Variants in RUNDC3B observed in about 807,000 individuals in gnomAD.
RUNDC3B encodes the protein RUN domain-containing protein 3B.
RUNDC3B carries 33 observed loss-of-function variants against 58.4 expected under a neutral mutation model. The observed-to-expected ratio is 0.56, with a 90% CI of 0.43 to 0.75. RUNDC3B has a LOEUF of 0.75. RUNDC3B is among the 30% of genes least tolerant of loss of function. RUNDC3B has a pLI of 0.00. For synonymous variants in RUNDC3B, 193 were observed against 195.2 expected (o/e 0.99, Z 0.10); for missense variants, 501 against 535.7 (o/e 0.94, Z 0.64).
intron 2 of RUNDC3B, among the ~76,000 whole-genome samples, chr7:87,671,930 G>T (rs1177319343): frequency 6.6e-6 from 1 of 152,140 alleles, no homozygotes; most frequent in African/African-American, 2.4e-5. Flanking sequence ...GAGTGCTGGA[G>T]GCCCTGGTTG....
At chr7:87,688,636 T>C (rs1021647551) in intron 2 of RUNDC3B, among the ~76,000 whole-genome samples, 1 of 151,964 alleles carries the variant, frequency 6.6e-6, no homozygotes, top group Admixed American at 6.6e-5. Context: ...TGGTAGTTTG[T>C]TATTTTGTAC....
intron 1 of RUNDC3B, among the ~76,000 whole-genome samples, chr7:87,635,271 A>G (rs964462592): frequency 6.6e-6 from 1 of 152,184 alleles, no homozygotes; most frequent in Non-Finnish European, 1.5e-5. Context: ...CCAGTTGTAT[A>G]TTGGAAAGAT....
intron 10 of RUNDC3B, among the ~76,000 whole-genome samples, chr7:87,826,398 G>A (rs1312046846): frequency 6.6e-6 from 1 of 151,456 alleles, no homozygotes; most frequent in African/African-American, 2.4e-5. Context: ...CGTGAAGTGT[G>A]AATCCATTAA....
At chr7:87,778,033 A>G (rs1834735705) in intron 8 of RUNDC3B, 78 bp downstream of exon 8, 1 of 1,184,166 alleles carries the variant, frequency 8.4e-7, no homozygotes, top group East Asian at 2.5e-5. Flanking sequence ...TACAGGAGGC[A>G]AATTCCAAGA....
chr7:87,821,673 G>A (rs1837447670), intron 10 of RUNDC3B, among the ~76,000 whole-genome samples: 1 of 152,054 alleles, frequency 6.6e-6, no homozygotes, highest in Non-Finnish European at 1.5e-5. Context: ...AAACAGCATG[G>A]TACTGGTACC....
At chr7:87,796,243 T>C (rs1835813597) in intron 8 of RUNDC3B, among the ~76,000 whole-genome samples, 1 of 152,072 alleles carries the variant, frequency 6.6e-6, no homozygotes, top group African/African-American at 2.4e-5. Context: ...ATATTTTTGG[T>C]ATATAAAAAT....
chr7:87,674,945 G>C (rs1393364590), intron 2 of RUNDC3B, among the ~76,000 whole-genome samples: 1 of 152,186 alleles, frequency 6.6e-6, no homozygotes, highest in East Asian at 1.9e-4. Context: ...CTCCAGTGCA[G>C]CTCTTCCTGT....
chr7:87,746,971 G>A (rs1832676104), intron 6 of RUNDC3B, among the ~76,000 whole-genome samples: 1 of 152,060 alleles, frequency 6.6e-6, no homozygotes. Flanking sequence ...TTCTTTTTCA[G>A]GTAAATCAGG....
chr7:87,773,602 T>C lies in RUNDC3B; in HGVS notation c.798+2853T>C, dbSNP rs981533778. ...AGAACATATAACCTTTTCAAGCATA[T>C]ATGGAACAGCTATAGTGGAGTTATT... On this transcript the variant is annotated intron_variant, in intron 7 of 10. Transcript: ENST00000394654. Among the ~76,000 whole-genome samples the C allele has an allele frequency of 3.0e-4, 46 of 152,190 alleles. 1 individual carries two copies. Among genetic ancestry groups the C allele is most frequent in the Non-Finnish European group, 4.9e-4 (33 of 68,036 alleles).
intron 8 of RUNDC3B, among the ~76,000 whole-genome samples, chr7:87,788,445 T>C (rs2130901928): frequency 6.6e-6 from 1 of 152,294 alleles, no homozygotes; most frequent in African/African-American, 2.4e-5. Context: ...TCTTCTACTA[T>C]TATGATTAGT....
intron 8 of RUNDC3B, among the ~76,000 whole-genome samples, chr7:87,792,255 CA>C (rs1306311103): frequency 1.3e-5 from 2 of 152,040 alleles, no homozygotes; most frequent in Non-Finnish European, 1.5e-5. Flanking sequence ...GATCTGAATA[CA>C]ATAATAGCTG....
At chr7:87,812,033 A>T (rs923271414) in intron 9 of RUNDC3B, among the ~76,000 whole-genome samples, 24 of 152,208 alleles carry the variant, frequency 1.6e-4, no homozygotes, top group Non-Finnish European at 4.4e-5. Context: ...CTGTTGCCCA[A>T]TGACTACTGG....
intron 2 of RUNDC3B, among the ~76,000 whole-genome samples, chr7:87,696,504 C>T (rs1828506530): frequency 6.6e-6 from 1 of 152,012 alleles, no homozygotes; most frequent in African/African-American, 2.4e-5. Context: ...TCTGTAGATG[C>T]AGAAATTAAT....
chr7:87,688,186 T>C (rs1448932129), intron 2 of RUNDC3B, among the ~76,000 whole-genome samples: 1 of 152,066 alleles, frequency 6.6e-6, no homozygotes, highest in Non-Finnish European at 1.5e-5. Context: ...TCTCAGAAAA[T>C]CATCGTATTC....
chr7:87,730,288 C>T (rs1831501607), intron 4 of RUNDC3B, among the ~76,000 whole-genome samples: 1 of 151,800 alleles, frequency 6.6e-6, no homozygotes, highest in Admixed American at 6.6e-5. Context: ...ATGGGGTCCC[C>T]AGTTCTAGGC....
intron 4 of RUNDC3B, among the ~76,000 whole-genome samples, chr7:87,728,697 C>G (rs542600144): frequency 2.6e-4 from 40 of 152,282 alleles, no homozygotes; most frequent in African/African-American, 9.1e-4. Context: ...TAATTTAATG[C>G]CATTTGCAAA....
intron 8 of RUNDC3B, among the ~76,000 whole-genome samples, chr7:87,788,703 CTTT>C (rs5885597): frequency 0.033 from 4,225 of 128,290 alleles, 87 homozygotes; most frequent in East Asian, 0.1. Context: ...CTTTTCAAAA[CTTT>C]TTTTTTTTTT....
At chr7:87,721,282 A>C (rs1830872338) in intron 4 of RUNDC3B, among the ~76,000 whole-genome samples, 4 of 152,036 alleles carry the variant, frequency 2.6e-5, no homozygotes, top group Admixed American at 2.6e-4. Context: ...CAAAAGTGGG[A>C]ATACTAAGCC....
chr7:87,712,059 A>G (rs985840969), intron 4 of RUNDC3B, among the ~76,000 whole-genome samples: 3 of 152,182 alleles, frequency 2.0e-5, no homozygotes, highest in African/African-American at 7.2e-5. Context: ...GCTGGTACTA[A>G]TTAAGTATCT....
Sources: allele counts gnomAD v4.1 joint callset (sites outside exome capture counted in the v4.1 genomes callset), GRCh38; gene constraint gnomAD v4.1.1; transcripts MANE v1.5; gene names NCBI Gene and HGNC (gene_info 2026-07-23, HGNC 2026-07-21).